The following POLR3B variants were observed in gnomAD, a reference collection of about 807,000 sequenced individuals.
POLR3B encodes RNA polymerase III subunit B.
Under a neutral mutation model 147.4 loss-of-function variants are expected in POLR3B, and 96 were observed. The observed-to-expected ratio is 0.65, with a 90% CI of 0.55 to 0.77. The LOEUF (loss-of-function observed/expected upper bound fraction) is 0.77. Ranked by LOEUF, POLR3B falls within the 30% of genes least tolerant of loss-of-function variation. The pLI is 0.00. For missense variants in POLR3B, 1,036 were observed against 1,413.5 expected (o/e 0.73, Z 4.28); for synonymous variants, 461 against 485.9 (o/e 0.95, Z 0.67).
chr12:106,397,460 C>T (rs558541109), intron 10 of POLR3B, among the ~76,000 whole-genome samples: 134 of 152,254 alleles, frequency 8.8e-4, no homozygotes, highest in African/African-American at 2.9e-3. Context: ...CTGATTTTTG[C>T]ACCGTAGATT....
chr12:106,382,711 G>A lies in POLR3B; in HGVS notation c.723+2572G>A, dbSNP rs1475099687. ...TCAGTAAACTATACTGTCAACTGAT[G>A]TGCTGCCATCCAGACTTTGTTGTTT... is the stretch of plus-strand genomic sequence containing the variant. On this transcript the variant is annotated intron_variant, in intron 9 of 27. Coordinates refer to ENST00000228347, the MANE Select transcript of POLR3B (RefSeq NM_018082.6). Among the ~76,000 whole-genome samples, 6 of 152,296 alleles carry A rather than the reference G, an allele frequency of 3.9e-5. No individual in the cohort carries two copies. The East Asian group carries it at 1.2e-3, about 29-fold the overall frequency.
intron 23 of POLR3B, among the ~76,000 whole-genome samples, chr12:106,467,101 ATTTGTT>A: frequency 6.6e-6 from 1 of 152,244 alleles, no homozygotes; most frequent in Admixed American, 6.5e-5. Context: ...ATGTTTTTCC[ATTTGTT>A]TGTGTCCCCT....
At chr12:106,463,378 G>C in intron 22 of POLR3B, 100 bp from the exon 23 acceptor site, 1 of 1,034,110 alleles carries the variant, frequency 9.7e-7, no homozygotes, top group Non-Finnish European at 1.5e-6. Context: ...GAAAATGTCA[G>C]AATACTCTAT....
chr12:106,369,587 G>A lies in POLR3B; in HGVS notation c.308G>A (p.Arg103His), dbSNP rs780148992. 25 of 1,605,270 alleles carry A rather than the reference G, an allele frequency of 1.6e-5. No individual in the cohort carries two copies. The highest frequency in any genetic ancestry group is 1.1e-4 in the East Asian group (5 of 44,828). The change falls in exon 6 of 28, where the codon CGT becomes CAT. Residue 103 changes from arginine (R) to histidine (H), a missense_variant. Physicochemically the swap from Arg to His is conservative, Grantham distance 29. This residue lies in a region of POLR3B where 150 missense variants were observed against 145.5 expected (regional missense o/e 1.03). Coordinates refer to ENST00000228347, the MANE Select transcript of POLR3B (RefSeq NM_018082.6). Reference sequence around the variant, plus strand: ...AGATTCCTGATTCTCTTTCAGTGCCGTTTGAGAGACATGACATACTCTGCC... The same window carrying A: ...AGATTCCTGATTCTCTTTCAGTGCCATTTGAGAGACATGACATACTCTGCC... Reference protein sequence around the residue: ...VTRPVSPHECRLRDMTYSAPI... With the variant: ...VTRPVSPHECHLRDMTYSAPI...
chr12:106,406,524 A>G (rs540921476), intron 11 of POLR3B, among the ~76,000 whole-genome samples: 1 of 152,342 alleles, frequency 6.6e-6, no homozygotes, highest in African/African-American at 2.4e-5. Context: ...AGTTTTAAAA[A>G]TGTTTACTGG....
rs940800563 is a variant in POLR3B at position 106,357,772 on chromosome 12, G to A, written c.-108G>A. ...CGTCTCTAGCTAACACGCACGGCGGGGACAGTTTAGGCCTCCGCGCACCGT... is the reference window on the plus strand; with the variant it reads ...CGTCTCTAGCTAACACGCACGGCGGAGACAGTTTAGGCCTCCGCGCACCGT... On this transcript the variant is annotated 5_prime_UTR_variant, in exon 1 of 28. Coordinates refer to ENST00000228347, the MANE Select transcript of POLR3B (RefSeq NM_018082.6). 30 of 1,093,136 alleles carry A rather than the reference G, an allele frequency of 2.7e-5. No homozygotes were observed. In the South Asian group the frequency reaches 2.9e-4, roughly 11 times the overall value. 67.7% of individuals were successfully genotyped at this position (1,093,136 alleles called of 1,614,324 possible).
chr12:106,492,447 C>CT (rs2038418633), intron 23 of POLR3B, among the ~76,000 whole-genome samples: 1 of 152,076 alleles, frequency 6.6e-6, no homozygotes, highest in South Asian at 2.1e-4. Flanking sequence ...GTCCCAGCTA[C>CT]TAGGGAGGCT....
intron 23 of POLR3B, among the ~76,000 whole-genome samples, chr12:106,473,782 T>C (rs1177962357): frequency 7.4e-6 from 1 of 134,374 alleles, no homozygotes; most frequent in Non-Finnish European, 1.6e-5. Context: ...GATGGGGTTT[T>C]CTAGATAAAC....
chr12:106,477,891 C>CTTTTTTTT lies in POLR3B; in HGVS notation c.2713+14294_2713+14301dup, dbSNP rs34915594. ...CTATTCGGCCATCTTGGCTCCTCCC[C>CTTTTTTTT]TTTTTTTTTTTTTTTTTTTTTTTTT... On this transcript the variant is annotated intron_variant, in intron 23 of 27. Coordinates refer to ENST00000228347, the MANE Select transcript of POLR3B (RefSeq NM_018082.6). Among the ~76,000 whole-genome samples, 170 of 70,542 alleles carry CTTTTTTTT rather than the reference C, an allele frequency of 2.4e-3. 15 individuals carry two copies. Among genetic ancestry groups the CTTTTTTTT allele is most frequent in the African/African-American group, 6.5e-3 (117 of 18,114 alleles). The allele number at this position is 70,542 out of a possible 152,430, so 46.3% of individuals were successfully genotyped here. A position where few individuals can be genotyped will look rare whatever the true frequency, so the allele number is the denominator to read the frequency against.
chr12:106,420,050 G>A (rs938304305), intron 12 of POLR3B, among the ~76,000 whole-genome samples: 8 of 151,986 alleles, frequency 5.3e-5, no homozygotes, highest in East Asian at 3.9e-4. Flanking sequence ...AGGCTCAGGC[G>A]TTTCCAGAGT....
intron 10 of POLR3B, among the ~76,000 whole-genome samples, chr12:106,402,816 G>A (rs28826960): frequency 0.25 from 38,327 of 151,984 alleles, 5,497 homozygotes; most frequent in African/African-American, 0.39. Context: ...ATTCCAGATG[G>A]ATTAAAGACT....
At chr12:106,369,705 A>G in intron 6 of POLR3B, 22 bp downstream of exon 6, 1 of 1,407,226 alleles carries the variant, frequency 7.1e-7, no homozygotes, top group Non-Finnish European at 1.0e-6. Flanking sequence ...AATCCGTATT[A>G]GAGCCACACT....
chr12:106,423,714 C>T (rs1342390834), intron 12 of POLR3B, among the ~76,000 whole-genome samples: 2 of 152,206 alleles, frequency 1.3e-5, no homozygotes, highest in African/African-American at 4.8e-5. Flanking sequence ...ATCTTCCTTA[C>T]TCAGCCCACT....
intron 12 of POLR3B, 79 bp downstream of exon 12, chr12:106,411,039 C>T: frequency 7.3e-7 from 1 of 1,365,452 alleles, no homozygotes. Flanking sequence ...TAAGAAGAAA[C>T]ATTTGAATGA....
intron 23 of POLR3B, among the ~76,000 whole-genome samples, chr12:106,482,712 C>T (rs748275846): frequency 9.2e-5 from 14 of 152,104 alleles, no homozygotes; most frequent in African/African-American, 2.7e-4. Flanking sequence ...ATTTTAGGTT[C>T]GTTGAGATTA....
chr12:106,375,127 C>G (rs2036660610), intron 6 of POLR3B, among the ~76,000 whole-genome samples: 1 of 152,228 alleles, frequency 6.6e-6, no homozygotes, highest in African/African-American at 2.4e-5. Flanking sequence ...ATTTTCTCTT[C>G]AAGCACATTG....
chr12:106,507,806 C>T, intron 27 of POLR3B: 1 of 455,890 alleles, frequency 2.2e-6, no homozygotes, highest in Non-Finnish European at 4.4e-6. Context: ...TCTTGCTTTT[C>T]TTTTCTAAAA....
intron 23 of POLR3B, among the ~76,000 whole-genome samples, chr12:106,484,132 C>T (rs1000472164): frequency 6.6e-6 from 1 of 151,992 alleles, no homozygotes; most frequent in Non-Finnish European, 1.5e-5. Flanking sequence ...GCTTAGAGGG[C>T]TTTGATAAAG....
intron 1 of POLR3B, among the ~76,000 whole-genome samples, chr12:106,359,647 C>T (rs1191634974): frequency 1.3e-5 from 2 of 152,104 alleles, no homozygotes; most frequent in African/African-American, 2.4e-5. Flanking sequence ...GTATTTTAAC[C>T]GTGAAAAGTG....
Sources: allele counts gnomAD v4.1 joint callset (sites outside exome capture counted in the v4.1 genomes callset), GRCh38; gene constraint gnomAD v4.1.1; regional missense constraint gnomAD v4.1.1; transcripts MANE v1.5; gene names NCBI Gene and HGNC (gene_info 2026-07-23, HGNC 2026-07-21).